The following SGK3 variants were observed in gnomAD, a reference collection of about 807,000 sequenced individuals.
SGK3 encodes the protein serine/threonine-protein kinase Sgk3.
SGK3 carries 47 observed loss-of-function variants against 68.5 expected under a neutral mutation model. The observed-to-expected ratio is 0.69, with a 90% CI of 0.54 to 0.87. SGK3 has a LOEUF of 0.87. SGK3 is among the 40% of genes least tolerant of loss of function. The pLI is 0.00. For synonymous variants in SGK3, 181 were observed against 189.1 expected (o/e 0.96, Z 0.35); for missense variants, 479 against 575.5 (o/e 0.83, Z 1.72).
intron 1 of SGK3, among the ~76,000 whole-genome samples, chr8:66,783,058 G>A (rs1227162348): frequency 6.6e-6 from 1 of 152,216 alleles, no homozygotes; most frequent in Non-Finnish European, 1.5e-5. Flanking sequence ...CTGCCAAACT[G>A]CCAGAGTGGC....
rs556133473 is a variant in SGK3 at position 66,750,002 on chromosome 8, A to C, written c.-122+37169A>C. Reference sequence around the variant, plus strand: ...ATCTCTAAATATGAGAGGTGAAAAAATTACCTTCAGATTTCTTGGGTTTGG... The same window carrying C: ...ATCTCTAAATATGAGAGGTGAAAAACTTACCTTCAGATTTCTTGGGTTTGG... On this transcript the variant is annotated intron_variant, in intron 1 of 16. Transcript: ENST00000521198. Among the ~76,000 whole-genome samples, 5 of 151,578 alleles carry C rather than the reference A, an allele frequency of 3.3e-5. No homozygotes were observed. The East Asian group carries it at 9.7e-4, about 29-fold the overall frequency.
At chr8:66,759,989 C>T (rs1440274701) in intron 1 of SGK3, among the ~76,000 whole-genome samples, 1 of 152,156 alleles carries the variant, frequency 6.6e-6, no homozygotes, top group Non-Finnish European at 1.5e-5. Flanking sequence ...ACCATTCAAT[C>T]TACTACAACC....
chr8:66,787,352 ATTGG>A, intron 1 of SGK3, among the ~76,000 whole-genome samples: 1 of 152,238 alleles, frequency 6.6e-6, no homozygotes, highest in Admixed American at 6.5e-5. Flanking sequence ...GATCTGATTT[ATTGG>A]TTACTTTTAC....
chr8:66,854,665 A>G (rs762047905), intron 16 of SGK3, among the ~76,000 whole-genome samples: 8 of 152,188 alleles, frequency 5.3e-5, no homozygotes, highest in Non-Finnish European at 1.0e-4. Flanking sequence ...TACTATGAAA[A>G]TACAGGGGTC....
chr8:66,712,967 C>G (rs1047101918), intron 1 of SGK3, 134 bp downstream of exon 1: 1 of 152,204 alleles, frequency 6.6e-6, no homozygotes, highest in Non-Finnish European at 1.5e-5. Context: ...CGTACCTCCG[C>G]CCAGCCCCCG....
chr8:66,746,783 A>G (rs1805666763), intron 1 of SGK3, among the ~76,000 whole-genome samples: 1 of 151,050 alleles, frequency 6.6e-6, no homozygotes, highest in Admixed American at 6.6e-5. Context: ...CTAGTTTTGA[A>G]CTCCTGGCCT....
intron 1 of SGK3, among the ~76,000 whole-genome samples, chr8:66,786,923 G>GTGTT (rs1807224293): frequency 2.3e-5 from 2 of 86,682 alleles, no homozygotes; most frequent in African/African-American, 9.0e-5. Context: ...GATTTTCTCT[G>GTGTT]TCTTTTTTTT....
chr8:66,722,508 G>A (rs1402963493), intron 1 of SGK3, among the ~76,000 whole-genome samples: 1 of 152,132 alleles, frequency 6.6e-6, no homozygotes, highest in Non-Finnish European at 1.5e-5. Context: ...TGCTGACCTC[G>A]TGATCCGCCC....
At chr8:66,822,515 T>G in intron 6 of SGK3, 56 bp downstream of exon 6, 1 of 1,547,484 alleles carries the variant, frequency 6.5e-7, no homozygotes, top group Non-Finnish European at 8.8e-7. Context: ...AAGGTGAAAT[T>G]AGTGGCTTTA....
chr8:66,846,197 G>C (rs753321089), intron 14 of SGK3, among the ~76,000 whole-genome samples: 1 of 152,190 alleles, frequency 6.6e-6, no homozygotes, highest in Non-Finnish European at 1.5e-5. Flanking sequence ...TCAAAAGGAA[G>C]TAGTTTTGTA....
chr8:66,825,329 C>CTTTT (rs11347366), intron 6 of SGK3, among the ~76,000 whole-genome samples: 1 of 123,072 alleles, frequency 8.1e-6, no homozygotes, highest in Non-Finnish European at 1.7e-5. Flanking sequence ...TTATTAAGGA[C>CTTTT]TTTTTTTTTT....
rs563155860 is a variant in SGK3 at position 66,796,184 on chromosome 8, T to G, written c.96+2352T>G. ...ACAGAATCTCGCTCTGTCGCCAGGC[T>G]GGAGTGCAGTGGTGCAGTCTTGGCT... On this transcript the variant is annotated intron_variant, in intron 2 of 16. Coordinates refer to ENST00000521198, the MANE Select transcript of SGK3 (RefSeq NM_001033578.3). 1.2e-4 allele frequency among the ~76,000 whole-genome samples: 19 copies of G among 152,100 alleles called. No homozygotes were observed. In the East Asian group the frequency reaches 3.7e-3, roughly 29 times the overall value.
At chr8:66,723,123 ATATATATATTTTTTTTT>A (rs1279513033) in intron 1 of SGK3, among the ~76,000 whole-genome samples, 4 of 51,438 alleles carry the variant, frequency 7.8e-5, no homozygotes, top group African/African-American at 3.7e-4. Context: ...ATATATATAT[ATATATATATTTTTTTTT>A]TTTTTTTTTT....
intron 16 of SGK3, among the ~76,000 whole-genome samples, chr8:66,858,282 C>T (rs1307784599): frequency 3.3e-5 from 5 of 151,654 alleles, no homozygotes; most frequent in Admixed American, 6.6e-5. Flanking sequence ...CTGGCTAACT[C>T]GGTGAAACCC....
At chr8:66,716,344 G>A (rs1804630326) in intron 1 of SGK3, among the ~76,000 whole-genome samples, 1 of 152,160 alleles carries the variant, frequency 6.6e-6, no homozygotes, top group African/African-American at 2.4e-5. Context: ...AGATGTTGAA[G>A]GCCAATTCAA....
intron 1 of SGK3, among the ~76,000 whole-genome samples, chr8:66,732,663 G>C (rs1446410616): frequency 6.6e-6 from 1 of 151,954 alleles, no homozygotes; most frequent in African/African-American, 2.4e-5. Context: ...TGGCCAACAT[G>C]GCAAAACCTC....
chr8:66,855,852 G>A (rs1810487631), intron 16 of SGK3, among the ~76,000 whole-genome samples: 1 of 152,180 alleles, frequency 6.6e-6, no homozygotes, highest in Admixed American at 6.5e-5. Context: ...AGGGTTTGAT[G>A]AAGTAGGTGT....
At position 66,738,922 on chromosome 8, in the gene SGK3, G is replaced by A. The variant is rs551897088; in HGVS notation, c.-122+26089G>A. On this transcript the variant is annotated intron_variant, in intron 1 of 16. Transcript: ENST00000521198. ...TGGGATTACAGGCGTGAGTCACTGCGCCCAGCCTAGAGTCACTTTCTTTAG... is the reference window on the plus strand; with the variant it reads ...TGGGATTACAGGCGTGAGTCACTGCACCCAGCCTAGAGTCACTTTCTTTAG... Among the ~76,000 whole-genome samples, 14 of 152,190 alleles carry A rather than the reference G, an allele frequency of 9.2e-5. No individual in the cohort carries two copies. In the East Asian group the frequency reaches 2.1e-3, roughly 23 times the overall value.
At chr8:66,775,677 G>A (rs545549446) in intron 1 of SGK3, 9 of 152,420 alleles carry the variant, frequency 5.9e-5, no homozygotes, top group African/African-American at 2.2e-4. Context: ...ATAGTTTGTG[G>A]TTCAGGACAG....
Sources: allele counts gnomAD v4.1 joint callset (sites outside exome capture counted in the v4.1 genomes callset), GRCh38; gene constraint gnomAD v4.1.1; transcripts MANE v1.5; gene names NCBI Gene and HGNC (gene_info 2026-07-23, HGNC 2026-07-21).